SUGCT: variants seen among roughly 807,000 people sequenced by gnomAD.
SUGCT encodes the protein succinyl-CoA:glutarate CoA-transferase.
Under a neutral mutation model 55.0 loss-of-function variants are expected in SUGCT, and 41 were observed. That is an observed-to-expected ratio of 0.74 (90% confidence interval 0.58 to 0.97). SUGCT has a LOEUF of 0.97. SUGCT is among the 50% of genes least tolerant of loss of function. SUGCT has a pLI of 0.00. For synonymous variants in SUGCT, 187 were observed against 200.4 expected, an observed-to-expected ratio of 0.93 and a Z score of 0.56; for missense variants, 568 against 547.8, an observed-to-expected ratio of 1.04 and a Z score of -0.37.
chr7:40,912,174 A>C, the SUGCT span, among the ~76,000 whole-genome samples: 1 of 152,126 alleles, frequency 6.6e-6, no homozygotes, highest in South Asian at 2.1e-4. Flanking sequence ...AAAAGTTTTA[A>C]TTCAATGTTT....
chr7:40,823,361 A>C (rs1206949440), intron 13 of SUGCT, among the ~76,000 whole-genome samples: 3 of 152,118 alleles, frequency 2.0e-5, no homozygotes, highest in African/African-American at 7.2e-5. Context: ...TGTCTCTACT[A>C]CATACATACA....
rs1415923308 is a variant in SUGCT, at chr7:40,623,215, C to G, written c.1090-126219C>G. On this transcript the variant is annotated intron_variant, in intron 12 of 13. Transcript: ENST00000335693. ...TCTCCATTTGCCCATCTCTCCATGC[C>G]AGGGACTCCATAGTTTTTTCTAAGT... is the stretch of plus-strand genomic sequence containing the variant. Among the ~76,000 whole-genome samples, 8 of 152,318 alleles carry G rather than the reference C, an allele frequency of 5.3e-5. No homozygotes were observed. In the East Asian group the frequency reaches 1.5e-3, roughly 29 times the overall value.
intron 11 of SUGCT, among the ~76,000 whole-genome samples, chr7:40,469,033 T>TC (rs1315617433): frequency 6.6e-6 from 1 of 152,184 alleles, no homozygotes; most frequent in Non-Finnish European, 1.5e-5. Flanking sequence ...CACCTTTCCC[T>TC]CAACCTGGCA....
chr7:41,037,989 G>GA, the SUGCT span, among the ~76,000 whole-genome samples: 2 of 152,076 alleles, frequency 1.3e-5, no homozygotes, highest in Non-Finnish European at 2.9e-5. Context: ...CACAGGAAAG[G>GA]AAAAAAATTA....
intron 8 of SUGCT, among the ~76,000 whole-genome samples, chr7:40,291,322 G>A (rs911119046): frequency 1.3e-5 from 2 of 151,422 alleles, no homozygotes; most frequent in African/African-American, 2.4e-5. Flanking sequence ...ATACTATGCA[G>A]CCATAAAAAA....
intron 12 of SUGCT, among the ~76,000 whole-genome samples, chr7:40,517,127 T>C (rs1343672040): frequency 2.0e-5 from 3 of 151,990 alleles, no homozygotes; most frequent in Non-Finnish European, 2.9e-5. Context: ...CATTTTTGAA[T>C]TTTTTATTTT....
At chr7:40,737,909 A>G (rs182441824) in intron 12 of SUGCT, among the ~76,000 whole-genome samples, 6 of 150,038 alleles carry the variant, frequency 4.0e-5, no homozygotes, top group Non-Finnish European at 7.4e-5. Context: ...GGGCAACAAG[A>G]GTAAAACTCC....
intron 9 of SUGCT, among the ~76,000 whole-genome samples, chr7:40,423,576 T>G (rs1787426331): frequency 1.3e-5 from 2 of 152,132 alleles, no homozygotes; most frequent in Non-Finnish European, 2.9e-5. Flanking sequence ...AGAACACACT[T>G]GCCAGATTTC....
chr7:40,244,946 T>TC (rs777474443), intron 7 of SUGCT, among the ~76,000 whole-genome samples: 1 of 152,146 alleles, frequency 6.6e-6, no homozygotes, highest in Non-Finnish European at 1.5e-5. Flanking sequence ...TCTGTGCCCA[T>TC]CCCACCTTAT....
intron 11 of SUGCT, among the ~76,000 whole-genome samples, chr7:40,468,316 G>A (rs748786086): frequency 4.6e-5 from 7 of 152,036 alleles, no homozygotes; most frequent in Non-Finnish European, 1.0e-4. Context: ...TTTCAGTTAA[G>A]TAATATCTGT....
rs894352301 is a variant in SUGCT, at chr7:40,406,034, A to G, written c.817-43253A>G. On this transcript the variant is annotated intron_variant, in intron 9 of 13. Coordinates refer to ENST00000335693, the MANE Select transcript of SUGCT (RefSeq NM_001193313.2). ...AGACAGGAGTTTTATCATTCCTTAA[A>G]TCAGCCTCCCTGAAAATTTGGAGCA... is the stretch of plus-strand genomic sequence containing the variant. Among the ~76,000 whole-genome samples the G allele has an allele frequency of 8.5e-5, 13 of 152,178 alleles. No individual in the cohort carries two copies. The East Asian group carries it at 2.5e-3, about 29-fold the overall frequency.
chr7:40,481,601 A>G (rs1791046300), intron 11 of SUGCT, among the ~76,000 whole-genome samples: 1 of 152,100 alleles, frequency 6.6e-6, no homozygotes, highest in South Asian at 2.1e-4. Flanking sequence ...ACACATTTAT[A>G]AGAAAATAAT....
chr7:40,330,490 T>TC (rs1796248037), intron 9 of SUGCT, among the ~76,000 whole-genome samples: 1 of 151,534 alleles, frequency 6.6e-6, no homozygotes, highest in Admixed American at 6.6e-5. Flanking sequence ...CGATTTTTTT[T>TC]TTTGCCGGAT....
rs143083418 is a variant in SUGCT at position 40,222,027 on chromosome 7, A to G, written c.485-15608A>G. The stretch of plus-strand genomic sequence containing the variant: ...TTTGGGATGCCACTGCAGTTCTGCA[A>G]ATATTTCCTGTGGATTGGGGTAAGA... On this transcript the variant is annotated intron_variant, in intron 6 of 13. Coordinates refer to ENST00000335693, the MANE Select transcript of SUGCT (RefSeq NM_001193313.2). Among the ~76,000 whole-genome samples the G allele has an allele frequency of 6.8e-4, 104 of 152,340 alleles. 1 individual carries two copies. Among genetic ancestry groups the G allele is most frequent in the African/African-American group, 2.5e-3 (102 of 41,590 alleles).
At chr7:40,310,190 A>G (rs34041334) in intron 8 of SUGCT, among the ~76,000 whole-genome samples, 17,886 of 152,212 alleles carry the variant, frequency 0.12, 1,296 homozygotes, top group Non-Finnish European at 0.17. Context: ...CTTTGATATG[A>G]TATGTTGAAA....
chr7:40,205,203 C>T (rs1251602234), intron 6 of SUGCT, among the ~76,000 whole-genome samples: 2 of 148,462 alleles, frequency 1.3e-5, no homozygotes, highest in Admixed American at 6.7e-5. Context: ...TGCAGTGAGC[C>T]GAGATTGCAC....
At chr7:40,144,808 C>T (rs1231091008) in intron 1 of SUGCT, among the ~76,000 whole-genome samples, 2 of 152,184 alleles carry the variant, frequency 1.3e-5, no homozygotes, top group South Asian at 4.2e-4. Flanking sequence ...CCAAAGAAAG[C>T]CAAATACCAT....
chr7:40,190,615 T>C (rs1247494038), intron 5 of SUGCT, among the ~76,000 whole-genome samples: 2 of 151,432 alleles, frequency 1.3e-5, no homozygotes, highest in Admixed American at 6.6e-5. Flanking sequence ...TGTAGACGAG[T>C]GCTTGCCACA....
chr7:40,422,560 TC>T (rs1787366836), intron 9 of SUGCT, among the ~76,000 whole-genome samples: 1 of 152,150 alleles, frequency 6.6e-6, no homozygotes, highest in Non-Finnish European at 1.5e-5. Flanking sequence ...TCTCTTCACA[TC>T]AGAATCCTAA....
Sources: allele counts gnomAD v4.1 joint callset (sites outside exome capture counted in the v4.1 genomes callset), GRCh38; gene constraint gnomAD v4.1.1; transcripts MANE v1.5; gene names NCBI Gene and HGNC (gene_info 2026-07-23, HGNC 2026-07-21).